Variants in SMARCA4 observed in about 807,000 individuals in gnomAD.
SMARCA4 encodes SWI/SNF-related matrix-associated actin-dependent regulator of chromatin subfamily A member 4.
Under a neutral mutation model 193.9 loss-of-function variants are expected in SMARCA4, and 31 were observed. The ratio of observed to expected loss-of-function variants is 0.16; its 90% confidence interval spans 0.12 to 0.22. The LOEUF (loss-of-function observed/expected upper bound fraction) is 0.22, where lower values mean the gene tolerates loss of function less well. SMARCA4 is among the 10% of genes least tolerant of loss of function. SMARCA4 has a pLI of 1.00. For synonymous variants in SMARCA4, 942 were observed against 933.1 expected, an observed-to-expected ratio of 1.01 and a Z score of -0.17; for missense variants, 1,148 against 2,296.0, an observed-to-expected ratio of 0.50 and a Z score of 10.22.
rs2074862060 is a variant in SMARCA4 at position 11,030,649 on chromosome 19, C to G, written c.3383-81C>G. On this transcript the variant is annotated intron_variant, in intron 24 of 34. Coordinates refer to ENST00000344626, the MANE Select transcript of SMARCA4 (RefSeq NM_003072.5). This position sits in a 1 kb window ranked among gnomAD's most constrained non-coding sequence, Gnocchi z 5.5. Reference sequence around the variant, plus strand: ...GGCAGGTGCTGATCCTGCTCCTGCTCTCAGAAGCAGGTGTTCCTTGGTGTC... The same window carrying G: ...GGCAGGTGCTGATCCTGCTCCTGCTGTCAGAAGCAGGTGTTCCTTGGTGTC... 4.6e-6 allele frequency: 6 copies of G among 1,315,668 alleles called. No homozygotes were observed. Among genetic ancestry groups the G allele is most frequent in the Admixed American group, 1.9e-5 (1 of 51,540 alleles). 81.5% of individuals were successfully genotyped at this position (1,315,668 alleles called of 1,614,324 possible). A position where few individuals can be genotyped will look rare whatever the true frequency, so the allele number is the denominator to read the frequency against.
rs2145732569 is a variant in SMARCA4 at position 10,984,493 on chromosome 19, G to A, written c.222+120G>A. The A allele has an allele frequency of 1.4e-5, 22 of 1,524,334 alleles. No homozygotes were observed. The highest frequency in any genetic ancestry group is 1.9e-5 in the Non-Finnish European group (21 of 1,127,982). The allele number at this position is 1,524,334 out of a possible 1,614,324, so 94.4% of individuals were successfully genotyped here. ...GAAGCCTTCTTGTTGGAGGTGTCCT[G>A]CCTTGGCTCAGCCCCCTACCCCAGG... is the stretch of plus-strand genomic sequence containing the variant. On this transcript the variant is annotated intron_variant, in intron 2 of 34. Transcript: ENST00000344626. This position sits in a 1 kb window ranked among gnomAD's most constrained non-coding sequence, Gnocchi z 4.3.
At chr19:10,982,169 G>C (rs762810922) in intron 1 of SMARCA4, among the ~76,000 whole-genome samples, 1 of 151,516 alleles carries the variant, frequency 6.6e-6, no homozygotes, top group East Asian at 2.0e-4. Flanking sequence ...GTGAAACCCC[G>C]TCTCTACTAA....
intron 30 of SMARCA4, among the ~76,000 whole-genome samples, chr19:11,055,526 A>C (rs981528565): frequency 1.3e-5 from 2 of 151,022 alleles, no homozygotes; most frequent in Non-Finnish European, 2.9e-5. Flanking sequence ...GCTGTTTCTC[A>C]TTAGCCTGAT....
intron 11 of SMARCA4, among the ~76,000 whole-genome samples, chr19:11,002,415 C>T (rs954048930): frequency 6.6e-6 from 1 of 151,964 alleles, no homozygotes; most frequent in Non-Finnish European, 1.5e-5. Context: ...GGAGGTGGAG[C>T]TTGCAGTGAG....
intron 30 of SMARCA4, among the ~76,000 whole-genome samples, chr19:11,051,915 G>A (rs1225468224): frequency 1.3e-5 from 2 of 152,088 alleles, no homozygotes. Flanking sequence ...GACCAAGATG[G>A]TGAAACCCAT....
intron 9 of SMARCA4, chr19:10,995,924 C>G: frequency 2.1e-6 from 1 of 474,638 alleles, no homozygotes; most frequent in Non-Finnish European, 3.9e-6. Context: ...GAGAAGGCTT[C>G]GGGTTTGGGG....
In SMARCA4 at chr19:10,984,113, T is replaced by A. The variant is rs775223696; in HGVS notation, c.-31-8T>A. 6.2e-7 allele frequency: 1 copy of A among 1,613,088 alleles called. No homozygotes were observed. Among genetic ancestry groups the A allele is most frequent in the South Asian group, 1.1e-5 (1 of 91,008 alleles). ...ATGAACCCCAGACTGACCAGGACTG[T>A]CTTCCAGCAGGAGGCCACTGTCTGC... On this transcript the variant is annotated splice_region_variant and splice_polypyrimidine_tract_variant and intron_variant, in intron 1 of 34. Coordinates refer to ENST00000344626, the MANE Select transcript of SMARCA4 (RefSeq NM_003072.5). This position sits in a 1 kb window ranked among gnomAD's most constrained non-coding sequence, Gnocchi z 4.3.
At chr19:11,055,710 A>G (rs878999458) in intron 30 of SMARCA4, among the ~76,000 whole-genome samples, 1 of 152,112 alleles carries the variant, frequency 6.6e-6, no homozygotes, top group African/African-American at 2.4e-5. Flanking sequence ...AAGAGTCTGC[A>G]CTGTTTGCTG....
Position 10,978,518 on chromosome 19 carries a change from A to G in SMARCA4, c.-31-5603A>G, listed in dbSNP as rs1483912133. On this transcript the variant is annotated intron_variant, in intron 1 of 34. Transcript: ENST00000344626. Reference sequence around the variant, plus strand: ...CCTGGCTAATTTTTGTATTTTTAGTAGAGACGGGTTTTACCATTTTGGTCA... The same window carrying G: ...CCTGGCTAATTTTTGTATTTTTAGTGGAGACGGGTTTTACCATTTTGGTCA... 2.6e-5 allele frequency among the ~76,000 whole-genome samples: 4 copies of G among 152,028 alleles called. No homozygotes were observed. In the East Asian group the frequency reaches 7.8e-4, roughly 30 times the overall value.
At position 11,041,615 on chromosome 19, in the gene SMARCA4, C is replaced by T. The variant is rs959527425; in HGVS notation, c.4424+55C>T. 9.9e-6 allele frequency: 15 copies of T among 1,516,960 alleles called. No homozygotes were observed. Among genetic ancestry groups the T allele is most frequent in the Non-Finnish European group, 9.1e-6 (10 of 1,101,806 alleles). The allele number at this position is 1,516,960 out of a possible 1,614,324, so 94.0% of individuals were successfully genotyped here. The stretch of plus-strand genomic sequence containing the variant: ...TGTAGGGGTCCCCGTGGGAGCAGGC[C>T]TGGCATCTGCACTCTGACTCTGCAC... On this transcript the variant is annotated intron_variant, in intron 30 of 34. Transcript: ENST00000344626. The surrounding 1 kb of genome is among the most constrained non-coding windows in gnomAD (Gnocchi z 5.6).
Position 11,033,998 on chromosome 19 carries a change from C to A in SMARCA4, c.3874-125C>A, listed in dbSNP as rs2075105091. The A allele has an allele frequency of 2.5e-6, 2 of 785,530 alleles. No homozygotes were observed. Among genetic ancestry groups the A allele is most frequent in the Admixed American group, 3.5e-5 (2 of 56,766 alleles). 48.7% of individuals were successfully genotyped at this position (785,530 alleles called of 1,614,324 possible). A position where few individuals can be genotyped will look rare whatever the true frequency, so the allele number is the denominator to read the frequency against. ...TGTGCCTTTCGCTGCCGTGTGGGTC[C>A]CCATCCACCGCAGCCGTGCCGGGAC... On this transcript the variant is annotated intron_variant, in intron 27 of 34. Transcript: ENST00000344626. This position sits in a 1 kb window ranked among gnomAD's most constrained non-coding sequence, Gnocchi z 9.8.
intron 1 of SMARCA4, among the ~76,000 whole-genome samples, chr19:10,981,493 A>T (rs566649992): frequency 1.3e-5 from 2 of 152,298 alleles, no homozygotes; most frequent in East Asian, 3.9e-4. Flanking sequence ...ATCAGGTCAG[A>T]TTTTGCCTCC....
intron 20 of SMARCA4, 40 bp downstream of exon 20, chr19:11,023,671 C>A: frequency 1.6e-6 from 2 of 1,249,964 alleles, no homozygotes; most frequent in South Asian, 1.3e-5. Context: ...GAAGCAGCCT[C>A]ACGTGGGGGC....
Position 10,987,101 on chromosome 19 carries a change from G to A in SMARCA4, c.859+98G>A, listed in dbSNP as rs1306971276. Reference sequence around the variant, plus strand: ...CTTTGTCAGGGAGAAAGGGCCGAGGGTGGTCAGGCTGAACTGCAGCCTGTA... The same window carrying A: ...CTTTGTCAGGGAGAAAGGGCCGAGGATGGTCAGGCTGAACTGCAGCCTGTA... On this transcript the variant is annotated intron_variant, in intron 5 of 34. Coordinates refer to ENST00000344626, the MANE Select transcript of SMARCA4 (RefSeq NM_003072.5). This position sits in a 1 kb window ranked among gnomAD's most constrained non-coding sequence, Gnocchi z 5.3. 6.8e-6 allele frequency: 6 copies of A among 885,120 alleles called. No homozygotes were observed. The highest frequency in any genetic ancestry group is 1.9e-5 in the Admixed American group (1 of 51,390). 54.8% of individuals were successfully genotyped at this position (885,120 alleles called of 1,614,324 possible).
intron 6 of SMARCA4, among the ~76,000 whole-genome samples, chr19:10,988,747 C>T (rs373144996): frequency 1.3e-5 from 2 of 152,082 alleles, no homozygotes; most frequent in Admixed American, 1.3e-4. Context: ...CCTGTGTTTT[C>T]TAATGAGACT....
intron 16 of SMARCA4, chr19:11,018,340 C>T (rs1312784425): frequency 2.0e-5 from 4 of 200,456 alleles, no homozygotes; most frequent in Middle Eastern, 4.7e-3. Context: ...AGGTGACTCA[C>T]CCCTCCCCAC....
chr19:11,015,239 C>T (rs549866632), intron 16 of SMARCA4, among the ~76,000 whole-genome samples: 43 of 152,342 alleles, frequency 2.8e-4, no homozygotes, highest in African/African-American at 8.4e-4. Flanking sequence ...GGACGTAGGA[C>T]TAATAGCAAA....
chr19:11,017,061 T>G (rs2089428483), intron 16 of SMARCA4, among the ~76,000 whole-genome samples: 1 of 152,090 alleles, frequency 6.6e-6, no homozygotes, highest in African/African-American at 2.4e-5. Context: ...TGCTGATGCT[T>G]TGTGCACGTA....
intron 1 of SMARCA4, among the ~76,000 whole-genome samples, chr19:10,962,033 G>GA (rs574912015): frequency 2.7e-5 from 4 of 150,904 alleles, no homozygotes; most frequent in Non-Finnish European, 5.9e-5. Context: ...GGAATAAGCG[G>GA]AAAAGCCGCT....
Sources: gnomAD v4.1 joint callset for allele counts (sites outside exome capture counted in the v4.1 genomes callset) on GRCh38, gnomAD v4.1.1 for gene constraint, Gnocchi (gnomAD v3.1) non-coding constraint, MANE v1.5 for transcripts, NCBI Gene and HGNC (gene_info 2026-07-23, HGNC 2026-07-21) for gene names.